PCDHA4: variants seen among roughly 807,000 people sequenced by gnomAD.
PCDHA4 encodes protocadherin alpha 4, also known as protocadherin alpha-4.
A neutral mutation model predicts 61.4 loss-of-function variants in PCDHA4; 49 were observed. That is an observed-to-expected ratio of 0.80 (90% CI 0.63 to 1.01). PCDHA4 has a LOEUF of 1.01. PCDHA4 is among the 50% of genes least tolerant of loss of function. The pLI is 0.00. For synonymous variants in PCDHA4, 590 were observed against 550.3 expected (o/e 1.07, Z -1.01); for missense variants, 1,254 against 1,235.8 (o/e 1.01, Z -0.22).
intron 1 of PCDHA4, among the ~76,000 whole-genome samples, chr5:140,910,284 A>G (rs2153514340): frequency 6.6e-6 from 1 of 152,292 alleles, no homozygotes; most frequent in East Asian, 1.9e-4. Context: ...GAACACCATG[A>G]TTAATCAACA....
intron 1 of PCDHA4, chr5:140,829,261 G>A (rs1770190858): frequency 1.9e-6 from 3 of 1,614,114 alleles, no homozygotes; most frequent in South Asian, 1.1e-5. Flanking sequence ...GCTCGCTGAC[G>A]CCTCACGTCC....
chr5:140,975,126 A>G (rs1334807357), intron 1 of PCDHA4, among the ~76,000 whole-genome samples: 6 of 152,074 alleles, frequency 3.9e-5, no homozygotes, highest in Admixed American at 2.6e-4. Flanking sequence ...CCTACTTACT[A>G]TTGGCCTGGG....
chr5:140,946,631 T>TATATATATATATATATATATACAC lies in PCDHA4; in HGVS notation c.2386-32317_2386-32316insTATATATATATATATATATACACA, dbSNP rs57893927. Among the ~76,000 whole-genome samples, 100 of 131,838 alleles carry TATATATATATATATATATATACAC rather than the reference T, an allele frequency of 7.6e-4. 3 individuals carry two copies. Among genetic ancestry groups the TATATATATATATATATATATACAC allele is most frequent in the African/African-American group, 2.6e-3 (76 of 28,714 alleles). The allele number at this position is 131,838 out of a possible 152,430, so 86.5% of individuals were successfully genotyped here. A position where few individuals can be genotyped will look rare whatever the true frequency, so the allele number is the denominator to read the frequency against. On this transcript the variant is annotated intron_variant, in intron 1 of 3. Transcript: ENST00000530339. ...TGTGAAATATATATATATATATATA[T>TATATATATATATATATATATACAC]ACAATGGAATACTCATCAGCCATTA...
chr5:140,821,873 C>A (rs144627570), intron 1 of PCDHA4: 2 of 1,614,092 alleles, frequency 1.2e-6, no homozygotes, highest in Non-Finnish European at 1.7e-6. Flanking sequence ...CTCCACTACT[C>A]GATCCCGGAG....
intron 1 of PCDHA4, chr5:140,854,500 C>T (rs1489975615): frequency 2.0e-5 from 3 of 149,908 alleles, no homozygotes; most frequent in Non-Finnish European, 3.0e-5. Context: ...TAGTAGGACA[C>T]ATAAACTGAT....
intron 1 of PCDHA4, chr5:140,928,323 T>C: frequency 1.2e-6 from 2 of 1,614,178 alleles, no homozygotes; most frequent in Non-Finnish European, 1.7e-6. Context: ...TGGGGAAGAA[T>C]GGCCTTGTCT....
intron 3 of PCDHA4, among the ~76,000 whole-genome samples, chr5:140,993,250 T>G (rs1554253518): frequency 6.6e-6 from 1 of 152,154 alleles, no homozygotes; most frequent in East Asian, 1.9e-4. Context: ...GGGATTTAGA[T>G]ATATAAATTA....
At chr5:140,869,529 T>G (rs2051206211) in intron 1 of PCDHA4, 2 of 1,614,166 alleles carry the variant, frequency 1.2e-6, no homozygotes, top group Non-Finnish European at 1.7e-6. Context: ...AGCTGCTGAT[T>G]GCGGAATCTA....
chr5:140,809,415 G>T lies in PCDHA4; in HGVS notation c.2228G>T (p.Ser743Ile), dbSNP rs145922941. ...APGKPTLVCS[S>I]AVGSWSYSQQ... The stretch of plus-strand genomic sequence containing the variant: ...GGCAAGCCCACGCTGGTGTGCTCCA[G>T]TGCGGTGGGGAGCTGGTCATACTCG... Residue 743 changes from serine (S) to isoleucine (I), a missense_variant, in exon 1 of 4, where the codon AGT becomes ATT. Physicochemically the swap from Ser to Ile is moderately radical, Grantham distance 142. Transcript: ENST00000530339. 3 of 1,614,124 alleles carry T rather than the reference G, an allele frequency of 1.9e-6. No individual in the cohort carries two copies. The highest frequency in any genetic ancestry group is 2.2e-5 in the South Asian group (2 of 91,086).
intron 1 of PCDHA4, among the ~76,000 whole-genome samples, chr5:140,873,375 T>G (rs251375): frequency 0.44 from 67,180 of 152,024 alleles, 15,319 homozygotes; most frequent in South Asian, 0.58. Flanking sequence ...GAAGATCTTT[T>G]AAAGACTTGG....
chr5:140,863,068 C>A, intron 1 of PCDHA4: 1 of 567,906 alleles, frequency 1.8e-6, no homozygotes. Context: ...CCACGTGGGG[C>A]TCTGCACGGG....
chr5:140,891,468 T>C (rs1459925727), intron 1 of PCDHA4, among the ~76,000 whole-genome samples: 1 of 151,582 alleles, frequency 6.6e-6, no homozygotes, highest in Non-Finnish European at 1.5e-5. Context: ...TGTGAATTAA[T>C]GCCTTTACAT....
At chr5:140,864,390 A>G (rs1314124193) in intron 1 of PCDHA4, 1 of 152,190 alleles carries the variant, frequency 6.6e-6, no homozygotes. Flanking sequence ...ATCTCTCACA[A>G]ATGGTGATGA....
Position 141,010,119 on chromosome 5 carries a change from A to G in PCDHA4, c.*182A>G. 6.2e-7 allele frequency: 1 copy of G among 1,608,062 alleles called. No homozygotes were observed. On this transcript the variant is annotated 3_prime_UTR_variant, in exon 4 of 4. Transcript: ENST00000530339. ...TAACAGGTTTTGTCGTAAAAGCTTT[A>G]CTAAGTCTGGTGTTAACTCTTTCTC...
chr5:140,982,264 TG>T, intron 2 of PCDHA4: 1 of 865,882 alleles, frequency 1.2e-6, no homozygotes, highest in Non-Finnish European at 1.7e-6. Flanking sequence ...TGTGTGTTCC[TG>T]GAATAGTATA....
chr5:140,828,082 G>A (rs2150150737), intron 1 of PCDHA4: 46 of 1,582,796 alleles, frequency 2.9e-5, no homozygotes, highest in Non-Finnish European at 3.7e-5. Context: ...TAAAACCAGA[G>A]GTATTTGACA....
intron 1 of PCDHA4, among the ~76,000 whole-genome samples, chr5:140,909,158 A>G (rs2074345366): frequency 6.6e-6 from 1 of 152,338 alleles, no homozygotes; most frequent in Non-Finnish European, 1.5e-5. Flanking sequence ...TATGGAAGGG[A>G]AAATCAATCA....
At chr5:140,836,969 C>T (rs2150271753) in intron 1 of PCDHA4, 9 of 381,928 alleles carry the variant, frequency 2.4e-5, no homozygotes, top group Non-Finnish European at 3.7e-5. Flanking sequence ...TGGCTACTCT[C>T]CATTTTTGGA....
chr5:140,930,412 G>T (rs1327423423), intron 1 of PCDHA4: 1 of 148,866 alleles, frequency 6.7e-6, no homozygotes, highest in Non-Finnish European at 1.5e-5. Context: ...TTTTGAGACA[G>T]GGGTCTCACT....
Sources: gnomAD v4.1 joint callset for allele counts (sites outside exome capture counted in the v4.1 genomes callset) on GRCh38, gnomAD v4.1.1 for gene constraint, MANE v1.5 for transcripts, NCBI Gene and HGNC (gene_info 2026-07-23, HGNC 2026-07-21) for gene names.